GALNTL6: variants seen among roughly 807,000 people sequenced by gnomAD.
GALNTL6 encodes polypeptide N-acetylgalactosaminyltransferase like 6.
A neutral mutation model predicts 73.7 loss-of-function variants in GALNTL6; 46 were observed. That is an observed-to-expected ratio of 0.62 (90% CI 0.49 to 0.80). The LOEUF (loss-of-function observed/expected upper bound fraction) is 0.80. Among genes scored for constraint, GALNTL6 ranks in the 30% least tolerant of loss-of-function variants. The pLI is 0.00. For synonymous variants in GALNTL6, 259 were observed against 263.7 expected (o/e 0.98, Z 0.17); for missense variants, 604 against 755.0 (o/e 0.80, Z 2.34).
intron 8 of GALNTL6, among the ~76,000 whole-genome samples, chr4:172,908,343 C>T (rs2111256691): frequency 6.6e-6 from 1 of 152,206 alleles, no homozygotes; most frequent in East Asian, 1.9e-4. Context: ...TATATTTCAA[C>T]TGAAAAGCTA....
intron 2 of GALNTL6, among the ~76,000 whole-genome samples, chr4:171,896,946 A>G (rs2110936019): frequency 6.6e-6 from 1 of 152,336 alleles, no homozygotes; most frequent in East Asian, 1.9e-4. Flanking sequence ...AACAAAAGCC[A>G]AATGGGAACA....
At chr4:172,589,247 A>T (rs531488963) in intron 5 of GALNTL6, among the ~76,000 whole-genome samples, 2 of 152,326 alleles carry the variant, frequency 1.3e-5, no homozygotes, top group Non-Finnish European at 2.9e-5. Context: ...ACAAGCCAGC[A>T]CTATTTGAGT....
At chr4:172,793,454 T>G (rs1182001985) in intron 5 of GALNTL6, among the ~76,000 whole-genome samples, 2 of 152,144 alleles carry the variant, frequency 1.3e-5, no homozygotes, top group African/African-American at 2.4e-5. Context: ...ATCATGTCTA[T>G]CTCAATTGCA....
intron 2 of GALNTL6, among the ~76,000 whole-genome samples, chr4:172,050,117 T>A (rs1730805487): frequency 6.6e-6 from 1 of 152,178 alleles, no homozygotes; most frequent in African/African-American, 2.4e-5. Context: ...TTAGTAGTGG[T>A]AACTTTGGTT....
chr4:171,876,964 G>T (rs1324460603), intron 2 of GALNTL6, among the ~76,000 whole-genome samples: 1 of 151,978 alleles, frequency 6.6e-6, no homozygotes, highest in Non-Finnish European at 1.5e-5. Flanking sequence ...AGTCTTGTAG[G>T]CCTTTTGATT....
intron 2 of GALNTL6, among the ~76,000 whole-genome samples, chr4:171,911,948 T>C (rs1433992261): frequency 6.6e-6 from 1 of 152,184 alleles, no homozygotes; most frequent in Non-Finnish European, 1.5e-5. Context: ...ATGTCTCCTT[T>C]AAATTTAATC....
intron 4 of GALNTL6, among the ~76,000 whole-genome samples, chr4:172,346,505 A>G (rs1741744515): frequency 1.3e-5 from 2 of 152,158 alleles, no homozygotes; most frequent in South Asian, 4.2e-4. Context: ...TCTGCAGGCC[A>G]CCTTCAATTC....
chr4:172,264,204 G>A (rs1333463957), intron 3 of GALNTL6, among the ~76,000 whole-genome samples: 1 of 151,306 alleles, frequency 6.6e-6, no homozygotes, highest in Non-Finnish European at 1.5e-5. Context: ...AAATACGTAG[G>A]AAGATATTTT....
At chr4:173,020,389 G>C (rs913316696) in intron 11 of GALNTL6, among the ~76,000 whole-genome samples, 2 of 152,194 alleles carry the variant, frequency 1.3e-5, no homozygotes, top group South Asian at 4.1e-4. Context: ...GAATTGGAGA[G>C]GCTGGACTAG....
At chr4:172,903,521 G>A (rs753784283) in intron 8 of GALNTL6, among the ~76,000 whole-genome samples, 1 of 152,136 alleles carries the variant, frequency 6.6e-6, no homozygotes, top group South Asian at 2.1e-4. Context: ...CATCAATTAA[G>A]TAGGAAAGCA....
chr4:172,006,518 T>G (rs537850683), intron 2 of GALNTL6, among the ~76,000 whole-genome samples: 133 of 152,160 alleles, frequency 8.7e-4, no homozygotes, highest in Admixed American at 1.6e-3. Context: ...TCCCAGCTAC[T>G]CGGGAGGCTG....
intron 10 of GALNTL6, among the ~76,000 whole-genome samples, chr4:172,997,666 A>G (rs1182165730): frequency 2.0e-5 from 3 of 152,262 alleles, no homozygotes; most frequent in African/African-American, 7.2e-5. Context: ...AAGGGTGAAG[A>G]GATGTGGATT....
Position 172,067,959 on chromosome 4 carries a change from T to C in GALNTL6, c.139-161697T>C, listed in dbSNP as rs1731412832. ...ATTGAAAATGGTGAATCAGTTCCTC[T>C]TGGGGTGGGGGTGTTAGTATGGTAA... On this transcript the variant is annotated intron_variant, in intron 2 of 12. Transcript: ENST00000506823. Among the ~76,000 whole-genome samples the C allele has an allele frequency of 1.8e-5, 2 of 109,940 alleles. 1 individual carries two copies. The highest frequency in any genetic ancestry group is 4.1e-5 in the Non-Finnish European group (2 of 49,344). 72.1% of individuals were successfully genotyped at this position (109,940 alleles called of 152,430 possible).
At chr4:172,150,542 T>C (rs1196268405) in intron 2 of GALNTL6, among the ~76,000 whole-genome samples, 1 of 152,198 alleles carries the variant, frequency 6.6e-6, no homozygotes, top group Non-Finnish European at 1.5e-5. Context: ...AAGTCCCCTT[T>C]AGTCAGTAAA....
chr4:172,273,757 G>A (rs1407898358), intron 3 of GALNTL6, among the ~76,000 whole-genome samples: 2 of 152,162 alleles, frequency 1.3e-5, no homozygotes, highest in East Asian at 3.9e-4. Flanking sequence ...GCAAACTAGT[G>A]GGACCGAAGG....
chr4:172,748,005 G>T (rs1295620810), intron 5 of GALNTL6, among the ~76,000 whole-genome samples: 1 of 388 alleles, frequency 2.6e-3, no homozygotes, highest in Non-Finnish European at 0.014. Context: ...CTTGGAAACT[G>T]CAACTTTTAA....
At chr4:172,090,780 C>T (rs1732180594) in intron 2 of GALNTL6, among the ~76,000 whole-genome samples, 1 of 152,118 alleles carries the variant, frequency 6.6e-6, no homozygotes, top group Admixed American at 6.6e-5. Flanking sequence ...ATGCCTCTGT[C>T]CTGAATGGTA....
intron 4 of GALNTL6, among the ~76,000 whole-genome samples, chr4:172,335,734 G>C (rs1356251589): frequency 6.6e-6 from 1 of 152,140 alleles, no homozygotes; most frequent in Non-Finnish European, 1.5e-5. Flanking sequence ...TGTGTGTATA[G>C]ATGTGGTCGT....
intron 5 of GALNTL6, among the ~76,000 whole-genome samples, chr4:172,398,798 G>T (rs1743937050): frequency 6.6e-6 from 1 of 151,876 alleles, no homozygotes; most frequent in African/African-American, 2.4e-5. Flanking sequence ...GTATTTATGG[G>T]CTTGGTTTGA....
Sources: gnomAD v4.1 joint callset for allele counts (sites outside exome capture counted in the v4.1 genomes callset) on GRCh38, gnomAD v4.1.1 for gene constraint, MANE v1.5 for transcripts, NCBI Gene and HGNC (gene_info 2026-07-23, HGNC 2026-07-21) for gene names.